Variants in JMJD1C observed in about 807,000 individuals in gnomAD.
The protein encoded by JMJD1C is jumonji domain-containing protein 1C.
In JMJD1C, 31 loss-of-function variants were observed where a neutral mutation model predicts 245.3. The observed-to-expected ratio is 0.13, with a 90% CI of 0.09 to 0.17. JMJD1C has a LOEUF of 0.17. Ranked by LOEUF, JMJD1C falls within the 10% of genes least tolerant of loss-of-function variation. The pLI, the probability that JMJD1C is intolerant of heterozygous loss-of-function variation, is 1.00. For synonymous variants in JMJD1C, 1,057 were observed against 1,017.4 expected (o/e 1.04, Z -0.74); for missense variants, 2,691 against 3,000.2 (o/e 0.90, Z 2.41).
intron 1 of JMJD1C, among the ~76,000 whole-genome samples, chr10:63,432,596 C>T (rs950026668): frequency 3.3e-5 from 5 of 152,168 alleles, no homozygotes; most frequent in African/African-American, 1.2e-4. Flanking sequence ...TTCAACAGCC[C>T]TGGCATCCTT....
intron 2 of JMJD1C, among the ~76,000 whole-genome samples, chr10:63,378,629 T>C (rs995101757): frequency 1.3e-5 from 2 of 152,178 alleles, no homozygotes; most frequent in African/African-American, 4.8e-5. Context: ...TAAAGCTTTA[T>C]TAATTTTTTA....
At chr10:63,298,970 A>G (rs1281644789) in intron 2 of JMJD1C, among the ~76,000 whole-genome samples, 2 of 152,124 alleles carry the variant, frequency 1.3e-5, no homozygotes, top group Non-Finnish European at 2.9e-5. Flanking sequence ...ACCTCAGGTG[A>G]TCCGCCCACC....
intron 1 of JMJD1C, among the ~76,000 whole-genome samples, chr10:63,387,282 C>A (rs1947683940): frequency 1.3e-5 from 2 of 152,062 alleles, no homozygotes; most frequent in Admixed American, 6.6e-5. Flanking sequence ...AAATGTGAAT[C>A]CATGATAATA....
At chr10:63,485,124 A>G (rs1181696553) in intron 1 of JMJD1C, among the ~76,000 whole-genome samples, 2 of 151,658 alleles carry the variant, frequency 1.3e-5, no homozygotes, top group Non-Finnish European at 2.9e-5. Context: ...ATTTAATTAA[A>G]TATTTAAAAT....
In JMJD1C at chr10:63,208,082, G is replaced by A. The variant is rs1398087238; in HGVS notation, c.3587C>T (p.Thr1196Ile). 2 of 1,614,142 alleles carry A rather than the reference G, an allele frequency of 1.2e-6. No individual in the cohort carries two copies. Among genetic ancestry groups the A allele is most frequent in the Non-Finnish European group, 1.7e-6 (2 of 1,179,986 alleles). ...PTHLTVSSTN[T>I]LRSMPALHRA... ...ATGTAATGCAGGCATACTGCGGAGT[G>A]TATTTGTAGAAGAAACTGTCAAATG... The change falls in exon 10 of 26, where the codon ACA becomes ATA. Residue 1196 changes from threonine (T) to isoleucine (I), a missense_variant. By Grantham distance (89) the Thr-to-Ile change is moderately conservative (BLOSUM62 -1). Coordinates refer to ENST00000399262, the MANE Select transcript of JMJD1C (RefSeq NM_032776.3).
At chr10:63,391,343 T>C (rs1258428869) in intron 1 of JMJD1C, among the ~76,000 whole-genome samples, 1 of 152,066 alleles carries the variant, frequency 6.6e-6, no homozygotes, top group East Asian at 1.9e-4. Context: ...ACCCCGTCTC[T>C]ACTAAAAATA....
chr10:63,187,032 C>T (rs920218859), intron 18 of JMJD1C, among the ~76,000 whole-genome samples: 1 of 151,668 alleles, frequency 6.6e-6, no homozygotes, highest in African/African-American at 2.4e-5. Flanking sequence ...CAGAAACAAA[C>T]AAACAAAAAA....
Position 63,240,213 on chromosome 10 carries a change from C to T in JMJD1C, c.448-20230G>A, listed in dbSNP as rs150806010. On this transcript the variant is annotated intron_variant, in intron 3 of 25. Transcript: ENST00000399262. ...GTTTTAAAAGACAGTGGAAATGTGA[C>T]ACGGCTTAGGGTGAGTAGTGAAATG... 3.9e-5 allele frequency among the ~76,000 whole-genome samples: 6 copies of T among 151,938 alleles called. No individual in the cohort carries two copies. In the East Asian group the frequency reaches 1.2e-3, roughly 29 times the overall value.
intron 1 of JMJD1C, among the ~76,000 whole-genome samples, chr10:63,440,349 A>AT (rs1366791365): frequency 0.011 from 723 of 63,224 alleles, 7 homozygotes; most frequent in Middle Eastern, 0.025. Flanking sequence ...AGAAAAAAAA[A>AT]AAAAATATAT....
intron 12 of JMJD1C, 52 bp downstream of exon 12, chr10:63,198,461 G>T: frequency 6.2e-6 from 7 of 1,129,664 alleles, no homozygotes; most frequent in Non-Finnish European, 7.7e-6. Flanking sequence ...AATTCAAAGA[G>T]AAATTCTTAA....
At chr10:63,492,226 T>C (rs1173164777) in intron 1 of JMJD1C, among the ~76,000 whole-genome samples, 2 of 152,116 alleles carry the variant, frequency 1.3e-5, no homozygotes, top group Non-Finnish European at 2.9e-5. Context: ...GTAGAGACAG[T>C]GTTTCACCAT....
intron 2 of JMJD1C, among the ~76,000 whole-genome samples, chr10:63,312,524 T>C (rs1939367009): frequency 6.6e-6 from 1 of 152,204 alleles, no homozygotes; most frequent in Non-Finnish European, 1.5e-5. Context: ...AAATTACTTT[T>C]CCCACTTAAC....
At position 63,207,666 on chromosome 10, in the gene JMJD1C, C is replaced by G; in HGVS notation, c.4003G>C (p.Ala1335Pro). The change falls in exon 10 of 26, where the codon GCT becomes CCT. Residue 1335 changes from alanine to proline, a missense_variant. Ala to Pro is a conservative substitution (Grantham distance 27). Transcript: ENST00000399262. ...SKDRVSERSS[A>P]GAHKTDCLKL... The stretch of plus-strand genomic sequence containing the variant: ...AGGCAATCTGTTTTATGTGCCCCAG[C>G]TGAAGATCTTTCACTAACACGATCT... 6.2e-7 allele frequency: 1 copy of G among 1,614,140 alleles called. No homozygotes were observed. Among genetic ancestry groups the G allele is most frequent in the Non-Finnish European group, 8.5e-7 (1 of 1,180,018 alleles).
chr10:63,489,088 G>T (rs994346144), intron 1 of JMJD1C, among the ~76,000 whole-genome samples: 1 of 152,138 alleles, frequency 6.6e-6, no homozygotes, highest in African/African-American at 2.4e-5. Flanking sequence ...AACCTACTGT[G>T]TTGCTAGTCA....
chr10:63,349,008 G>C (rs1944098076), intron 2 of JMJD1C, among the ~76,000 whole-genome samples: 1 of 144,214 alleles, frequency 6.9e-6, no homozygotes, highest in South Asian at 2.2e-4. Context: ...GGCAGAGGCA[G>C]GAGAATCACT....
intron 2 of JMJD1C, among the ~76,000 whole-genome samples, chr10:63,367,056 T>C (rs1945899675): frequency 6.6e-6 from 1 of 152,116 alleles, no homozygotes; most frequent in African/African-American, 2.4e-5. Flanking sequence ...TTCAAGAGAC[T>C]AGTCCCAGCT....
intron 1 of JMJD1C, among the ~76,000 whole-genome samples, chr10:63,396,282 G>A (rs1948481156): frequency 6.6e-6 from 1 of 152,058 alleles, no homozygotes; most frequent in South Asian, 2.1e-4. Context: ...TCGAACAGAG[G>A]CTATATCCTA....
chr10:63,208,526 TTCTCTC>T lies in JMJD1C; in HGVS notation c.3137_3142del (p.Arg1046_Glu1047del). On this transcript the variant is annotated inframe_deletion, in exon 10 of 26. Coordinates refer to ENST00000399262, the MANE Select transcript of JMJD1C (RefSeq NM_032776.3). ...AGATGATGATGCCACTCTGGAATAA[TTCTCTC>T]TCTCACCCTCAAGTCCCTTGATTTT... 6.2e-7 allele frequency: 1 copy of T among 1,614,156 alleles called. No individual in the cohort carries two copies. Among genetic ancestry groups the T allele is most frequent in the Non-Finnish European group, 8.5e-7 (1 of 1,180,000 alleles).
chr10:63,186,514 C>T (rs995363104), intron 18 of JMJD1C, 131 bp from the exon 19 acceptor site: 5 of 616,294 alleles, frequency 8.1e-6, no homozygotes, highest in Admixed American at 3.7e-5. Context: ...TCATACCTGA[C>T]TGTCACCCTT....
Sources: allele counts gnomAD v4.1 joint callset (sites outside exome capture counted in the v4.1 genomes callset), GRCh38; gene constraint gnomAD v4.1.1; transcripts MANE v1.5; gene names NCBI Gene and HGNC (gene_info 2026-07-23, HGNC 2026-07-21).